Variants in DNAAF9 observed in about 807,000 individuals in gnomAD.
The protein encoded by DNAAF9 is shulin.
In DNAAF9, 90 loss-of-function variants were observed where a neutral mutation model predicts 167.0. The observed-to-expected ratio is 0.54, with a 90% CI of 0.45 to 0.64. The LOEUF is 0.64. Ranked by LOEUF, DNAAF9 falls within the 30% of genes least tolerant of loss-of-function variation. The pLI, the probability that DNAAF9 is intolerant of heterozygous loss-of-function variation, is 0.00. For missense variants in DNAAF9, 1,315 were observed against 1,442.2 expected, an observed-to-expected ratio of 0.91 and a Z score of 1.43; for synonymous variants, 491 against 508.8, an observed-to-expected ratio of 0.96 and a Z score of 0.47.
Position 3,402,222 on chromosome 20 carries a change from AG to A in DNAAF9, c.83+5252del, listed in dbSNP as rs370834420. Among the ~76,000 whole-genome samples the A allele has an allele frequency of 2.7e-4, 41 of 152,328 alleles. No homozygotes were observed. The East Asian group carries it at 7.7e-3, about 29-fold the overall frequency. Reference sequence around the variant, plus strand: ...TTACAGATATTGTCTTCATGGTGCTAGAAAATTTCATGATGCTATGCCAGGA... The same window carrying A: ...TTACAGATATTGTCTTCATGGTGCTAAAAATTTCATGATGCTATGCCAGGA... On this transcript the variant is annotated intron_variant, in intron 1 of 36. Coordinates refer to ENST00000252032, the MANE Select transcript of DNAAF9 (RefSeq NM_001009984.3).
chr20:3,296,110 C>A (rs11539859), intron 23 of DNAAF9: 3 of 672,394 alleles, frequency 4.5e-6, no homozygotes, highest in East Asian at 3.1e-5. Context: ...CAGGAAAATG[C>A]ACTTTACATG....
chr20:3,344,126 A>G (rs2070144249), intron 8 of DNAAF9, among the ~76,000 whole-genome samples: 1 of 152,206 alleles, frequency 6.6e-6, no homozygotes, highest in Non-Finnish European at 1.5e-5. Context: ...AATCATGTGG[A>G]GATTTTTTTA....
intron 1 of DNAAF9, among the ~76,000 whole-genome samples, chr20:3,406,756 C>G (rs2084062760): frequency 1.3e-5 from 2 of 152,166 alleles, no homozygotes; most frequent in South Asian, 4.1e-4. Context: ...CCTCTTTCCC[C>G]TATTTATCCA....
At chr20:3,271,976 G>A (rs181637926) in intron 29 of DNAAF9, among the ~76,000 whole-genome samples, 2 of 152,090 alleles carry the variant, frequency 1.3e-5, no homozygotes, top group African/African-American at 4.8e-5. Context: ...ATAGTAGAAT[G>A]AACTCCCATC....
At chr20:3,396,315 T>C (rs943643576) in intron 1 of DNAAF9, among the ~76,000 whole-genome samples, 1 of 152,254 alleles carries the variant, frequency 6.6e-6, no homozygotes, top group African/African-American at 2.4e-5. Context: ...CAAAGCAGTT[T>C]TCTCTCTTCC....
intron 1 of DNAAF9, among the ~76,000 whole-genome samples, chr20:3,393,468 A>G (rs995270511): frequency 2.0e-5 from 3 of 152,140 alleles, no homozygotes; most frequent in African/African-American, 7.2e-5. Context: ...GCCGAGATTG[A>G]GCCACTGCAC....
At chr20:3,262,440 G>A (rs1229193033) in intron 31 of DNAAF9, among the ~76,000 whole-genome samples, 11 of 151,888 alleles carry the variant, frequency 7.2e-5, no homozygotes, top group South Asian at 2.1e-4. Flanking sequence ...TAATAGAGAC[G>A]GGGTTTCACC....
rs967959236 is a variant in DNAAF9, at chr20:3,264,385, A to C, written c.2873+53T>G. 8.4e-6 allele frequency: 7 copies of C among 832,528 alleles called. No individual in the cohort carries two copies. In the Admixed American group the frequency reaches 1.2e-4, roughly 15 times the overall value. 51.6% of individuals were successfully genotyped at this position (832,528 alleles called of 1,614,324 possible). A position where few individuals can be genotyped will look rare whatever the true frequency, so the allele number is the denominator to read the frequency against. On this transcript the variant is annotated intron_variant, in intron 31 of 36. Coordinates refer to ENST00000252032, the MANE Select transcript of DNAAF9 (RefSeq NM_001009984.3). ...TCTTTTTTTTTTTCTGTAAATAAAT[A>C]AATCATTGGGTTTACAAAAAAATCT...
chr20:3,337,973 T>C (rs60340893), intron 10 of DNAAF9, among the ~76,000 whole-genome samples: 6,681 of 90,144 alleles, frequency 0.074, 226 homozygotes, highest in African/African-American at 0.17. Context: ...ATATATATAA[T>C]ATATAAAATA....
intron 1 of DNAAF9, among the ~76,000 whole-genome samples, chr20:3,390,966 CA>C (rs1384769001): frequency 1.8e-4 from 28 of 152,184 alleles, no homozygotes; most frequent in African/African-American, 6.7e-4. Flanking sequence ...CTTTGGTTTT[CA>C]AAGTTACAAC....
intron 20 of DNAAF9, among the ~76,000 whole-genome samples, chr20:3,305,049 G>GT (rs1402714727): frequency 6.6e-6 from 1 of 152,188 alleles, no homozygotes; most frequent in Non-Finnish European, 1.5e-5. Flanking sequence ...TAGGTAATGA[G>GT]TAAGTTCTAC....
At chr20:3,404,941 G>A (rs974173174) in intron 1 of DNAAF9, among the ~76,000 whole-genome samples, 7 of 152,142 alleles carry the variant, frequency 4.6e-5, no homozygotes, top group Non-Finnish European at 1.0e-4. Flanking sequence ...AGGTCACCTG[G>A]AAGCTAGCTC....
At chr20:3,375,754 A>G (rs1397008794) in intron 4 of DNAAF9, among the ~76,000 whole-genome samples, 1 of 152,094 alleles carries the variant, frequency 6.6e-6, no homozygotes, top group East Asian at 1.9e-4. Flanking sequence ...AGGCTGAGAC[A>G]GGAGAATTGC....
rs1353387584 is a variant in DNAAF9, at chr20:3,256,050, T to C, written c.3217A>G (p.Lys1073Glu). 5.6e-6 allele frequency: 9 copies of C among 1,613,812 alleles called. No homozygotes were observed. The highest frequency in any genetic ancestry group is 7.6e-6 in the Non-Finnish European group (9 of 1,179,988). The change falls in exon 34 of 37, where the codon AAG becomes GAG. Residue 1073 changes from lysine to glutamate, a missense_variant. Lys to Glu is a moderately conservative substitution (Grantham distance 56). Around this residue, in one of 2 missense-constraint regions of DNAAF9, gnomAD observed 334 missense variants for 429.7 expected, o/e 0.78. Coordinates refer to ENST00000252032, the MANE Select transcript of DNAAF9 (RefSeq NM_001009984.3). ...CYLVFIGCSL[K>E]EDSIKDWLRQ... ...AGCCAGTCCTTGATGCTGTCTTCCT[T>C]CAGGGAGCAGCCGATGAACACAAGG...
chr20:3,310,331 GAAAAAGAAAGAA>G, intron 20 of DNAAF9, among the ~76,000 whole-genome samples: 1 of 79,694 alleles, frequency 1.3e-5, no homozygotes, highest in East Asian at 3.9e-4. Context: ...GAAAGAGAAA[GAAAAAGAAAGAA>G]AGAAAGAAAG....
intron 12 of DNAAF9, 25 bp downstream of exon 12, chr20:3,330,621 G>GA: frequency 6.6e-7 from 1 of 1,513,436 alleles, no homozygotes; most frequent in Non-Finnish European, 9.2e-7. Context: ...CTTTGAGAAA[G>GA]AAAAAATAAA....
At chr20:3,328,334 A>C (rs2069754982) in intron 12 of DNAAF9, among the ~76,000 whole-genome samples, 1 of 152,052 alleles carries the variant, frequency 6.6e-6, no homozygotes, top group Admixed American at 6.5e-5. Context: ...GGCGCCTGCC[A>C]CCGTGCCTGG....
intron 20 of DNAAF9, among the ~76,000 whole-genome samples, chr20:3,310,331 G>GAAAAAGAAAGA (rs760193128): frequency 0.049 from 3,839 of 78,892 alleles, 140 homozygotes; most frequent in Non-Finnish European, 0.061. Context: ...GAAAGAGAAA[G>GAAAAAGAAAGA]AAAAAGAAAG....
chr20:3,274,081 GA>G (rs973352087), intron 29 of DNAAF9, among the ~76,000 whole-genome samples: 9 of 151,788 alleles, frequency 5.9e-5, no homozygotes, highest in Non-Finnish European at 1.2e-4. Flanking sequence ...TAAAAAAAAA[GA>G]AAAAAAGTTC....
Sources: gnomAD v4.1 joint callset for allele counts (sites outside exome capture counted in the v4.1 genomes callset) on GRCh38, gnomAD v4.1.1 for gene constraint, gnomAD v4.1.1 regional missense constraint, MANE v1.5 for transcripts, NCBI Gene and HGNC (gene_info 2026-07-23, HGNC 2026-07-21) for gene names.